Variants in BAALC observed in about 807,000 individuals in gnomAD.
BAALC encodes the protein brain and acute leukemia cytoplasmic protein.
Under a neutral mutation model 15.5 loss-of-function variants are expected in BAALC, and 9 were observed. The ratio of observed to expected loss-of-function variants is 0.58; its 90% confidence interval spans 0.35 to 1.02. The LOEUF is 1.02. BAALC is among the 50% of genes least tolerant of loss of function. BAALC has a pLI of 0.02. For missense variants in BAALC, 201 were observed against 192.4 expected (o/e 1.04, Z -0.27); for synonymous variants, 80 against 74.6 (o/e 1.07, Z -0.37).
At chr8:103,200,705 T>A in intron 1 of BAALC, 1 of 700,726 alleles carries the variant, frequency 1.4e-6, no homozygotes, top group Non-Finnish European at 2.6e-6. Flanking sequence ...AGATTCAGTG[T>A]CTGATGAAGG....
chr8:103,198,836 A>G (rs1207060582), intron 1 of BAALC, among the ~76,000 whole-genome samples: 5 of 152,144 alleles, frequency 3.3e-5, no homozygotes, highest in Non-Finnish European at 5.9e-5. Context: ...GCTTGAACCC[A>G]GGAGACGGAG....
At chr8:103,150,844 C>T (rs187325410) in intron 1 of BAALC, among the ~76,000 whole-genome samples, 5 of 152,226 alleles carry the variant, frequency 3.3e-5, no homozygotes, top group Admixed American at 6.5e-5. Context: ...CAGGATCACC[C>T]GGCCAGATCC....
rs766075575 is a variant in BAALC at position 103,230,085 on chromosome 8, C to CACTT, written c.*1989_*1992dup. ...TCTGTTTTATATAGAAACACTTTCT[C>CACTT]ACTTACAGGGGAGAAGGAAATGCAG... is the stretch of plus-strand genomic sequence containing the variant. On this transcript the variant is annotated 3_prime_UTR_variant, in exon 3 of 3. Coordinates refer to ENST00000309982, the MANE Select transcript of BAALC (RefSeq NM_024812.3). 1 of 152,182 alleles carries CACTT rather than the reference C, an allele frequency of 6.6e-6. No individual in the cohort carries two copies. The highest frequency in any genetic ancestry group is 1.5e-5 in the Non-Finnish European group (1 of 68,030). The allele number at this position is 152,182 out of a possible 1,614,324, so 9.4% of individuals were successfully genotyped here.
chr8:103,201,130 C>A (rs549522101), intron 1 of BAALC, among the ~76,000 whole-genome samples: 1 of 152,058 alleles, frequency 6.6e-6, no homozygotes, highest in South Asian at 2.1e-4. Flanking sequence ...GATCAGGCTA[C>A]AAGCAGGGAA....
intron 1 of BAALC, among the ~76,000 whole-genome samples, chr8:103,152,262 C>T (rs1408586925): frequency 6.6e-6 from 1 of 152,080 alleles, no homozygotes; most frequent in Non-Finnish European, 1.5e-5. Context: ...GTTTACTCTG[C>T]TCTGTTTTTT....
chr8:103,150,329 A>T (rs1289926193), intron 1 of BAALC, among the ~76,000 whole-genome samples: 1 of 120,946 alleles, frequency 8.3e-6, no homozygotes, highest in South Asian at 2.8e-4. Context: ...ATATAGAAAC[A>T]TGGCTGTGTG....
chr8:103,161,773 C>T (rs1811230335), intron 1 of BAALC, among the ~76,000 whole-genome samples: 1 of 152,266 alleles, frequency 6.6e-6, no homozygotes, highest in Admixed American at 6.5e-5. Context: ...CCCCATAGCC[C>T]TGCCAGTAGG....
chr8:103,220,178 A>G (rs2130086268), intron 2 of BAALC, among the ~76,000 whole-genome samples: 1 of 152,316 alleles, frequency 6.6e-6, no homozygotes. Context: ...CAGAGTTGTG[A>G]GAGGTGGGAT....
chr8:103,142,298 G>A (rs752746612), intron 1 of BAALC, among the ~76,000 whole-genome samples: 3 of 152,194 alleles, frequency 2.0e-5, no homozygotes, highest in Non-Finnish European at 4.4e-5. Flanking sequence ...TTTGTGACTT[G>A]GTTTTATTTT....
chr8:103,185,831 T>C (rs1811823392), intron 1 of BAALC, among the ~76,000 whole-genome samples: 1 of 152,250 alleles, frequency 6.6e-6, no homozygotes. Context: ...CAAAGGACTT[T>C]GAACTTGAAA....
chr8:103,196,392 C>T (rs1812098890), intron 1 of BAALC, among the ~76,000 whole-genome samples: 2 of 152,078 alleles, frequency 1.3e-5, no homozygotes, highest in South Asian at 4.2e-4. Context: ...GTGATCCTCC[C>T]ACCTCAGCCT....
At chr8:103,196,712 C>T (rs955283761) in intron 1 of BAALC, among the ~76,000 whole-genome samples, 5 of 152,174 alleles carry the variant, frequency 3.3e-5, no homozygotes, top group Admixed American at 1.3e-4. Flanking sequence ...TCTGCAGCAC[C>T]CTGGCTTGGT....
intron 1 of BAALC, among the ~76,000 whole-genome samples, chr8:103,168,926 G>A (rs190608342): frequency 1.1e-3 from 169 of 151,964 alleles, no homozygotes; most frequent in African/African-American, 3.8e-3. Flanking sequence ...ATAGTTTGGC[G>A]GGGTATAAAA....
chr8:103,170,413 TA>T (rs1811456690), intron 1 of BAALC, among the ~76,000 whole-genome samples: 1 of 152,190 alleles, frequency 6.6e-6, no homozygotes, highest in African/African-American at 2.4e-5. Context: ...TTACAGATGT[TA>T]TCAAGGTAAG....
intron 1 of BAALC, among the ~76,000 whole-genome samples, chr8:103,172,777 A>C (rs551299648): frequency 2.1e-4 from 32 of 152,150 alleles, no homozygotes; most frequent in Non-Finnish European, 4.0e-4. Flanking sequence ...AATATTGCCA[A>C]CTTCACAGAT....
At chr8:103,166,363 A>C (rs1284577936) in intron 1 of BAALC, 1 of 152,622 alleles carries the variant, frequency 6.6e-6, no homozygotes, top group Non-Finnish European at 1.5e-5. Context: ...TCCATCATTG[A>C]AAAAGAGCCA....
chr8:103,209,793 G>A (rs759085908), intron 1 of BAALC, among the ~76,000 whole-genome samples: 63 of 152,226 alleles, frequency 4.1e-4, no homozygotes, highest in Non-Finnish European at 7.8e-4. Context: ...AGACAAGTCT[G>A]CCTTTGGATG....
chr8:103,143,716 C>G (rs1810829863), intron 1 of BAALC, among the ~76,000 whole-genome samples: 1 of 152,206 alleles, frequency 6.6e-6, no homozygotes. Flanking sequence ...TACTTCAGGA[C>G]TTTTGAGGGC....
chr8:103,174,880 G>C (rs111241637), intron 1 of BAALC, among the ~76,000 whole-genome samples: 1 of 152,282 alleles, frequency 6.6e-6, no homozygotes, highest in Non-Finnish European at 1.5e-5. Context: ...CAAAAGCAAA[G>C]GCCTCATATT....
Sources: gnomAD v4.1 joint callset for allele counts (sites outside exome capture counted in the v4.1 genomes callset) on GRCh38, gnomAD v4.1.1 for gene constraint, MANE v1.5 for transcripts, NCBI Gene and HGNC (gene_info 2026-07-23, HGNC 2026-07-21) for gene names.